Variants in ROCK2 observed in about 807,000 individuals in gnomAD.
ROCK2 encodes the protein rho-associated protein kinase 2.
In ROCK2, 61 loss-of-function variants were observed where a neutral mutation model predicts 195.1. The ratio of observed to expected loss-of-function variants is 0.31; its 90% CI spans 0.25 to 0.39. The LOEUF is 0.39. Among genes scored for constraint, ROCK2 ranks in the 10% least tolerant of loss-of-function variants. The pLI is 1.00. For missense variants in ROCK2, 1,109 were observed against 1,637.4 expected (o/e 0.68, Z 5.57); for synonymous variants, 504 against 545.5 (o/e 0.92, Z 1.06).
At chr2:11,228,250 T>C (rs899650436) in intron 5 of ROCK2, among the ~76,000 whole-genome samples, 1 of 152,166 alleles carries the variant, frequency 6.6e-6, no homozygotes, top group Non-Finnish European at 1.5e-5. Context: ...GTTGCCCACA[T>C]TCCTCATAAG....
chr2:11,333,187 G>C (rs1572421586), intron 1 of ROCK2, among the ~76,000 whole-genome samples: 1 of 152,146 alleles, frequency 6.6e-6, no homozygotes, highest in African/African-American at 2.4e-5. Flanking sequence ...AAAATAAAAA[G>C]AACTAGCAAT....
At chr2:11,221,393 A>G in intron 8 of ROCK2, 36 bp from the exon 9 acceptor site, 1 of 1,455,048 alleles carries the variant, frequency 6.9e-7, no homozygotes, top group Non-Finnish European at 9.2e-7. Context: ...TTTCATTCAC[A>G]ACCAAAATAT....
At chr2:11,282,545 A>G (rs185905861) in intron 3 of ROCK2, among the ~76,000 whole-genome samples, 15 of 151,338 alleles carry the variant, frequency 9.9e-5, no homozygotes, top group Non-Finnish European at 1.9e-4. Flanking sequence ...ATCTTTGACA[A>G]AGGAGCAGAG....
chr2:11,255,165 G>A (rs111887720), intron 3 of ROCK2, among the ~76,000 whole-genome samples: 5,067 of 148,028 alleles, frequency 0.034, 473 homozygotes, highest in African/African-American at 0.12. Flanking sequence ...TGCAGTGAGC[G>A]GAGATTGCGC....
intron 1 of ROCK2, among the ~76,000 whole-genome samples, chr2:11,315,791 T>C (rs922855998): frequency 6.6e-6 from 1 of 152,092 alleles, no homozygotes; most frequent in Non-Finnish European, 1.5e-5. Flanking sequence ...ATTAAAGCCA[T>C]AAGTACATTA....
rs746788461 is a variant in ROCK2, at chr2:11,344,125, G to A, written c.12C>T (p.Pro4=). The change falls in exon 1 of 33, where the codon CCC becomes CCT. Residue 4 remains proline, a synonymous_variant. Coordinates refer to ENST00000315872, the MANE Select transcript of ROCK2 (RefSeq NM_004850.5). The surrounding 1 kb of genome is among the most constrained non-coding windows in gnomAD (Gnocchi z 5.4). The part of the protein sequence containing the change: MSR[P]PPTGKMPGAP... ...CGCCGGGCATTTTCCCCGTCGGCGG[G>A]GGCCGGCTCATGCCGCCACCGCTGG... is the stretch of plus-strand genomic sequence containing the variant. 3.8e-5 allele frequency: 56 copies of A among 1,470,940 alleles called. No individual in the cohort carries two copies. Among genetic ancestry groups the A allele is most frequent in the Middle Eastern group, 2.2e-4 (1 of 4,606 alleles). The allele number at this position is 1,470,940 out of a possible 1,614,324, so 91.1% of individuals were successfully genotyped here.
intron 32 of ROCK2, among the ~76,000 whole-genome samples, chr2:11,187,088 T>C (rs979422646): frequency 2.6e-5 from 4 of 152,082 alleles, no homozygotes; most frequent in African/African-American, 4.8e-5. Flanking sequence ...AAAGTACCCA[T>C]TTCGTTTCTT....
intron 1 of ROCK2, among the ~76,000 whole-genome samples, chr2:11,337,780 C>T (rs183199167): frequency 3.7e-3 from 566 of 151,884 alleles, no homozygotes; most frequent in South Asian, 0.015. Flanking sequence ...ATTACAGGTG[C>T]GTGCCACCAC....
At chr2:11,225,753 A>G (rs1664789388) in intron 6 of ROCK2, among the ~76,000 whole-genome samples, 1 of 152,206 alleles carries the variant, frequency 6.6e-6, no homozygotes, top group African/African-American at 2.4e-5. Flanking sequence ...TCTATTTTCA[A>G]AAGATTACAA....
chr2:11,228,447 G>C (rs1382954330), intron 5 of ROCK2, among the ~76,000 whole-genome samples: 1 of 152,046 alleles, frequency 6.6e-6, no homozygotes, highest in Non-Finnish European at 1.5e-5. Flanking sequence ...AGCAAATAGA[G>C]AATAAAAGCT....
chr2:11,334,640 A>C lies in ROCK2; in HGVS notation c.141+9356T>G, dbSNP rs574561085. 1.6e-4 allele frequency among the ~76,000 whole-genome samples: 25 copies of C among 151,538 alleles called. No homozygotes were observed. The South Asian group carries it at 4.8e-3, about 29-fold the overall frequency. On this transcript the variant is annotated intron_variant, in intron 1 of 32. Coordinates refer to ENST00000315872, the MANE Select transcript of ROCK2 (RefSeq NM_004850.5). The stretch of plus-strand genomic sequence containing the variant: ...AATAAAAATAAACTCAAAAGCCAAG[A>C]AGCATATATGAAGGCAATGCTTAGC...
chr2:11,334,943 T>C (rs920122187), intron 1 of ROCK2, among the ~76,000 whole-genome samples: 1 of 151,710 alleles, frequency 6.6e-6, no homozygotes, highest in Non-Finnish European at 1.5e-5. Flanking sequence ...GTCAATCACC[T>C]ATGACAAAAA....
chr2:11,192,845 A>C lies in ROCK2; in HGVS notation c.3688-133T>G. On this transcript the variant is annotated intron_variant, in intron 30 of 32. Transcript: ENST00000315872. The surrounding 1 kb of genome is among the most constrained non-coding windows in gnomAD (Gnocchi z 5.0). ...AGAAGAAAATGTATCTGAAGTACAA[A>C]CTTAAGCTCTTGATTACGCAAACTT... 9.7e-7 allele frequency: 1 copy of C among 1,032,018 alleles called. No homozygotes were observed. Among genetic ancestry groups the C allele is most frequent in the Non-Finnish European group, 1.4e-6 (1 of 732,302 alleles). The allele number at this position is 1,032,018 out of a possible 1,614,324, so 63.9% of individuals were successfully genotyped here. A position where few individuals can be genotyped will look rare whatever the true frequency, so the allele number is the denominator to read the frequency against.
chr2:11,266,673 T>C (rs1048195762), intron 3 of ROCK2, among the ~76,000 whole-genome samples: 1 of 152,178 alleles, frequency 6.6e-6, no homozygotes, highest in Non-Finnish European at 1.5e-5. Flanking sequence ...AGTCCACACA[T>C]ATCCGCCATA....
At position 11,222,193 on chromosome 2, in the gene ROCK2, G is replaced by C. The variant is rs755227809; in HGVS notation, c.1008-19C>G. On this transcript the variant is annotated intron_variant, in intron 7 of 32. Coordinates refer to ENST00000315872, the MANE Select transcript of ROCK2 (RefSeq NM_004850.5). ...TACCTCCCTAAACAATGCAGTTAAAGATTGTATTATTTAAAAATTATAAAA... is the reference window on the plus strand; with the variant it reads ...TACCTCCCTAAACAATGCAGTTAAACATTGTATTATTTAAAAATTATAAAA... 7.3e-7 allele frequency: 1 copy of C among 1,379,218 alleles called. No homozygotes were observed. Among genetic ancestry groups the C allele is most frequent in the Non-Finnish European group, 1.0e-6 (1 of 984,368 alleles). 85.4% of individuals were successfully genotyped at this position (1,379,218 alleles called of 1,614,324 possible).
At chr2:11,286,125 T>A (rs1280194479) in intron 3 of ROCK2, among the ~76,000 whole-genome samples, 1 of 150,072 alleles carries the variant, frequency 6.7e-6, no homozygotes, top group Non-Finnish European at 1.5e-5. Flanking sequence ...ACATTTCTTA[T>A]AATTCCAATT....
chr2:11,219,336 C>CAAAA lies in ROCK2; in HGVS notation c.1260-314_1260-311dup, dbSNP rs35159426. On this transcript the variant is annotated intron_variant, in intron 9 of 32. Coordinates refer to ENST00000315872, the MANE Select transcript of ROCK2 (RefSeq NM_004850.5). ...TCAACATGGTGAAACCTTATCTCTACAAAAAAAAAAAAAAAAAAAAAAAAA... is the reference window on the plus strand; with the variant it reads ...TCAACATGGTGAAACCTTATCTCTACAAAAAAAAAAAAAAAAAAAAAAAAAAAAA... Among the ~76,000 whole-genome samples the CAAAA allele has an allele frequency of 8.7e-3, 581 of 66,934 alleles. 23 individuals are homozygous for CAAAA. Among genetic ancestry groups the CAAAA allele is most frequent in the African/African-American group, 0.031 (448 of 14,520 alleles). 43.9% of individuals were successfully genotyped at this position (66,934 alleles called of 152,430 possible). A position where few individuals can be genotyped will look rare whatever the true frequency, so the allele number is the denominator to read the frequency against.
At chr2:11,205,358 CCTTT>C (rs1280932387) in intron 20 of ROCK2, among the ~76,000 whole-genome samples, 2 of 152,174 alleles carry the variant, frequency 1.3e-5, no homozygotes, top group East Asian at 3.9e-4. Flanking sequence ...TATATATACT[CCTTT>C]CTTCTTTTGT....
intron 3 of ROCK2, among the ~76,000 whole-genome samples, chr2:11,270,441 T>C (rs1666585522): frequency 6.6e-6 from 1 of 152,168 alleles, no homozygotes; most frequent in Admixed American, 6.5e-5. Context: ...ATTTCAAATG[T>C]TTCTTCTGTT....
Sources: allele counts gnomAD v4.1 joint callset (sites outside exome capture counted in the v4.1 genomes callset), GRCh38; gene constraint gnomAD v4.1.1; non-coding constraint Gnocchi (gnomAD v3.1); transcripts MANE v1.5; gene names NCBI Gene and HGNC (gene_info 2026-07-23, HGNC 2026-07-21).